Variants in PITPNB observed in about 807,000 individuals in gnomAD.
PITPNB encodes phosphatidylinositol transfer protein beta.
PITPNB carries 16 observed loss-of-function variants against 45.9 expected under a neutral mutation model. The ratio of observed to expected loss-of-function variants is 0.35; its 90% confidence interval spans 0.24 to 0.53. The LOEUF is 0.53. Among genes scored for constraint, PITPNB ranks in the 20% least tolerant of loss-of-function variants. The pLI is 0.93. For synonymous variants in PITPNB, 112 were observed against 108.9 expected (o/e 1.03, Z -0.18); for missense variants, 188 against 330.5 (o/e 0.57, Z 3.34).
chr22:27,892,322 C>T (rs2267126), intron 7 of PITPNB, among the ~76,000 whole-genome samples: 1,858 of 152,270 alleles, frequency 0.012, 28 homozygotes, highest in East Asian at 0.069. Flanking sequence ...AAACACTGCC[C>T]ATTTTCGCCT....
chr22:27,905,640 A>G lies in PITPNB; in HGVS notation c.197+5324T>C, dbSNP rs561774116. On this transcript the variant is annotated intron_variant, in intron 3 of 11. Transcript: ENST00000335272. ...GAAATTTTAAAATAACTATTTTTCAATAAAAACCTCTTCTGTTTCGACCTT... is the reference window on the plus strand; with the variant it reads ...GAAATTTTAAAATAACTATTTTTCAGTAAAAACCTCTTCTGTTTCGACCTT... 2.0e-5 allele frequency among the ~76,000 whole-genome samples: 3 copies of G among 152,350 alleles called. 1 individual carries two copies. In the East Asian group the frequency reaches 5.8e-4, roughly 29 times the overall value.
chr22:27,901,668 G>A (rs1440025414), intron 3 of PITPNB, among the ~76,000 whole-genome samples: 1 of 152,138 alleles, frequency 6.6e-6, no homozygotes, highest in Non-Finnish European at 1.5e-5. Context: ...AGGATCACCT[G>A]AGGTTGGGAG....
At chr22:27,878,854 C>T (rs572528426) in intron 7 of PITPNB, among the ~76,000 whole-genome samples, 3 of 152,070 alleles carry the variant, frequency 2.0e-5, no homozygotes, top group Non-Finnish European at 2.9e-5. Flanking sequence ...ACTTGTTGGC[C>T]TAGTTTCTGT....
chr22:27,853,589 G>T lies in PITPNB; in HGVS notation c.*113C>A. The T allele has an allele frequency of 3.2e-6, 5 of 1,543,556 alleles. No individual in the cohort carries two copies. Reference sequence around the variant, plus strand: ...CACACATCTGGGAAACGTCAACACTGCAAGATACTGGTCAGATTCTTCTTC... The same window carrying T: ...CACACATCTGGGAAACGTCAACACTTCAAGATACTGGTCAGATTCTTCTTC... On this transcript the variant is annotated 3_prime_UTR_variant, in exon 12 of 12. Coordinates refer to ENST00000335272, the MANE Select transcript of PITPNB (RefSeq NM_012399.5).
At chr22:27,855,131 C>T (rs1934134509) in intron 10 of PITPNB, among the ~76,000 whole-genome samples, 192 bp from the exon 11 acceptor site, 2 of 151,842 alleles carry the variant, frequency 1.3e-5, no homozygotes, top group Admixed American at 1.3e-4. Flanking sequence ...TTTCTTAGCA[C>T]AAAAAAGGTT....
chr22:27,894,493 T>C (rs1035615733), intron 7 of PITPNB, 62 bp downstream of exon 7: 3 of 882,198 alleles, frequency 3.4e-6, no homozygotes, highest in African/African-American at 1.7e-5. Flanking sequence ...CCAAATGTGA[T>C]AGTAGAAAAT....
At chr22:27,856,464 C>T (rs1394217513) in intron 10 of PITPNB, among the ~76,000 whole-genome samples, 2 of 152,146 alleles carry the variant, frequency 1.3e-5, no homozygotes, top group Non-Finnish European at 2.9e-5. Context: ...GTTCAGGTAT[C>T]GTGAGGCTGA....
intron 8 of PITPNB, among the ~76,000 whole-genome samples, chr22:27,864,517 C>T (rs932111438): frequency 2.0e-5 from 3 of 152,174 alleles, no homozygotes; most frequent in Non-Finnish European, 4.4e-5. Flanking sequence ...AATGATACCA[C>T]AGATTTATCT....
At chr22:27,915,420 T>C (rs1217727066) in intron 1 of PITPNB, among the ~76,000 whole-genome samples, 1 of 152,208 alleles carries the variant, frequency 6.6e-6, no homozygotes, top group Non-Finnish European at 1.5e-5. Flanking sequence ...TCTTTCTTAT[T>C]CGTAAGTATG....
Position 27,872,179 on chromosome 22 carries a change from T to C in PITPNB, c.534+1559A>G, listed in dbSNP as rs543489396. On this transcript the variant is annotated intron_variant, in intron 8 of 11. Coordinates refer to ENST00000335272, the MANE Select transcript of PITPNB (RefSeq NM_012399.5). ...TGCAATCTTAGCTCACTGCAACCTCTACCTCCCGGGTTCAAGTGATTCTCC... is the reference window on the plus strand; with the variant it reads ...TGCAATCTTAGCTCACTGCAACCTCCACCTCCCGGGTTCAAGTGATTCTCC... 7.5e-5 allele frequency among the ~76,000 whole-genome samples: 10 copies of C among 133,218 alleles called. No homozygotes were observed. In the South Asian group the frequency reaches 1.9e-3, roughly 25 times the overall value. 87.4% of individuals were successfully genotyped at this position (133,218 alleles called of 152,430 possible).
At chr22:27,894,405 G>C (rs1424185722) in intron 7 of PITPNB, 150 bp downstream of exon 7, 1 of 570,670 alleles carries the variant, frequency 1.8e-6, no homozygotes, top group Non-Finnish European at 3.1e-6. Flanking sequence ...AGACGTACTA[G>C]ACTTCACTCC....
intron 7 of PITPNB, among the ~76,000 whole-genome samples, chr22:27,892,288 C>T (rs1262229992): frequency 6.6e-6 from 1 of 152,218 alleles, no homozygotes; most frequent in African/African-American, 2.4e-5. Context: ...TTACTCTGCT[C>T]TTTCCACCAG....
chr22:27,910,917 T>A, intron 3 of PITPNB, 47 bp downstream of exon 3: 1 of 1,492,730 alleles, frequency 6.7e-7, no homozygotes, highest in South Asian at 1.2e-5. Context: ...ACATGCATCA[T>A]AAGTAAGCCA....
At chr22:27,876,570 T>C (rs1934826195) in intron 7 of PITPNB, among the ~76,000 whole-genome samples, 1 of 152,210 alleles carries the variant, frequency 6.6e-6, no homozygotes, top group African/African-American at 2.4e-5. Flanking sequence ...TTGCAAGATA[T>C]TAAGAAGCAG....
At chr22:27,905,681 T>A (rs1042800541) in intron 3 of PITPNB, among the ~76,000 whole-genome samples, 2 of 152,172 alleles carry the variant, frequency 1.3e-5, no homozygotes, top group Admixed American at 6.5e-5. Flanking sequence ...AACAAGGTGG[T>A]TCTGGAGTTG....
chr22:27,886,329 A>C (rs1281798691), intron 7 of PITPNB, among the ~76,000 whole-genome samples: 1 of 152,126 alleles, frequency 6.6e-6, no homozygotes, highest in Non-Finnish European at 1.5e-5. Flanking sequence ...TCATATACAG[A>C]CTTCCCACAA....
chr22:27,887,297 G>A (rs903624195), intron 7 of PITPNB, among the ~76,000 whole-genome samples: 2 of 152,126 alleles, frequency 1.3e-5, no homozygotes, highest in South Asian at 2.1e-4. Context: ...TGAGAAAAAC[G>A]CAGGTTCTAG....
At position 27,862,202 on chromosome 22, in the gene PITPNB, G is replaced by A. The variant is rs62235632; in HGVS notation, c.535-1961C>T. Among the ~76,000 whole-genome samples the A allele has an allele frequency of 2.4e-3, 367 of 152,092 alleles. 1 individual carries two copies. The highest frequency in any genetic ancestry group is 3.6e-3 in the Non-Finnish European group (248 of 68,002). On this transcript the variant is annotated intron_variant, in intron 8 of 11. Transcript: ENST00000335272. ...GCGTGTGAGCAAAGATTCTCAAATC[G>A]GCCACATACATTCAAAAAATGATTA...
At chr22:27,873,411 C>CTTT (rs1934726687) in intron 8 of PITPNB, among the ~76,000 whole-genome samples, 1 of 152,212 alleles carries the variant, frequency 6.6e-6, no homozygotes, top group Non-Finnish European at 1.5e-5. Context: ...TAAATTTAAA[C>CTTT]TATAAACCTT....
Sources: gnomAD v4.1 joint callset for allele counts (sites outside exome capture counted in the v4.1 genomes callset) on GRCh38, gnomAD v4.1.1 for gene constraint, MANE v1.5 for transcripts, NCBI Gene and HGNC (gene_info 2026-07-23, HGNC 2026-07-21) for gene names.